The following DNAJC1 variants were observed in gnomAD, a reference collection of about 807,000 sequenced individuals.
The protein encoded by DNAJC1 is DnaJ heat shock protein family (Hsp40) member C1, also known as dnaJ homolog subfamily C member 1.
A neutral mutation model predicts 76.6 loss-of-function variants in DNAJC1; 58 were observed. That is an observed-to-expected ratio of 0.76 (90% CI 0.61 to 0.94). The LOEUF (loss-of-function observed/expected upper bound fraction) is 0.94. Among genes scored for constraint, DNAJC1 ranks in the 40% least tolerant of loss-of-function variants. The pLI, the probability that DNAJC1 is intolerant of heterozygous loss-of-function variation, is 0.00. For synonymous variants in DNAJC1, 258 were observed against 267.9 expected (o/e 0.96, Z 0.36); for missense variants, 689 against 677.3 (o/e 1.02, Z -0.19).
chr10:21,963,538 T>A (rs571623187), intron 1 of DNAJC1, among the ~76,000 whole-genome samples: 2 of 152,306 alleles, frequency 1.3e-5, no homozygotes, highest in Admixed American at 6.5e-5. Context: ...TATGTAAAAA[T>A]CTGCTTTACA....
chr10:21,835,816 T>C (rs1835442576), intron 8 of DNAJC1, among the ~76,000 whole-genome samples: 2 of 152,140 alleles, frequency 1.3e-5, no homozygotes, highest in African/African-American at 2.4e-5. Flanking sequence ...CCAAGAAATA[T>C]GGGACCATGT....
intron 10 of DNAJC1, among the ~76,000 whole-genome samples, chr10:21,763,556 G>A (rs535871680): frequency 7.7e-6 from 1 of 130,272 alleles, no homozygotes; most frequent in South Asian, 2.8e-4. Flanking sequence ...TTTTAAGTGT[G>A]TGCAGGTTGT....
At chr10:21,833,075 C>T (rs956740427) in intron 8 of DNAJC1, among the ~76,000 whole-genome samples, 2 of 152,194 alleles carry the variant, frequency 1.3e-5, no homozygotes, top group African/African-American at 4.8e-5. Flanking sequence ...ATCTGCTAAA[C>T]TGCAATAGTA....
intron 1 of DNAJC1, among the ~76,000 whole-genome samples, chr10:21,980,854 C>T (rs552059334): frequency 1.3e-5 from 2 of 152,122 alleles, no homozygotes; most frequent in East Asian, 3.9e-4. Flanking sequence ...ATTTCCTTAG[C>T]CTTTCCTTTT....
At chr10:21,855,897 G>A (rs1470515217) in intron 8 of DNAJC1, among the ~76,000 whole-genome samples, 3 of 151,584 alleles carry the variant, frequency 2.0e-5, no homozygotes, top group South Asian at 2.1e-4. Context: ...AGGAAGCAAC[G>A]AGATTAAGGG....
At chr10:21,797,557 T>C (rs1834763006) in intron 9 of DNAJC1, among the ~76,000 whole-genome samples, 1 of 152,206 alleles carries the variant, frequency 6.6e-6, no homozygotes, top group South Asian at 2.1e-4. Context: ...AAAGTTCATT[T>C]GTTGGAAACC....
chr10:21,796,127 A>G (rs1420232347), intron 9 of DNAJC1, among the ~76,000 whole-genome samples: 1 of 151,556 alleles, frequency 6.6e-6, no homozygotes, highest in South Asian at 2.1e-4. Context: ...GCACCACCAT[A>G]CCCAGCTAAT....
intron 8 of DNAJC1, among the ~76,000 whole-genome samples, chr10:21,854,188 A>G (rs538388940): frequency 7.9e-5 from 12 of 152,242 alleles, no homozygotes; most frequent in East Asian, 5.8e-4. Flanking sequence ...TAATTATAAT[A>G]TAAGAATTAT....
intron 6 of DNAJC1, among the ~76,000 whole-genome samples, chr10:21,911,912 G>A (rs999764063): frequency 6.6e-6 from 1 of 152,114 alleles, no homozygotes; most frequent in African/African-American, 2.4e-5. Flanking sequence ...CCAACTGTGG[G>A]CTAAACGTAA....
intron 1 of DNAJC1, among the ~76,000 whole-genome samples, chr10:21,957,688 T>C (rs962519124): frequency 6.6e-6 from 1 of 152,340 alleles, no homozygotes; most frequent in East Asian, 1.9e-4. Flanking sequence ...AGTCTCTTTA[T>C]ACTTTGCTTT....
chr10:21,833,169 G>C (rs1237116066), intron 8 of DNAJC1, among the ~76,000 whole-genome samples: 1 of 152,200 alleles, frequency 6.6e-6, no homozygotes, highest in Non-Finnish European at 1.5e-5. Context: ...TATAGTGACA[G>C]TGGTTAAGAG....
intron 8 of DNAJC1, among the ~76,000 whole-genome samples, chr10:21,835,470 G>A (rs921544721): frequency 1.3e-5 from 2 of 152,222 alleles, no homozygotes; most frequent in African/African-American, 2.4e-5. Flanking sequence ...GAACAAAGCT[G>A]GATGGAGAAT....
chr10:21,756,765 G>C lies in DNAJC1; in HGVS notation c.1597-10C>G. On this transcript the variant is annotated splice_polypyrimidine_tract_variant and intron_variant, in intron 11 of 11. Coordinates refer to ENST00000376980, the MANE Select transcript of DNAJC1 (RefSeq NM_022365.4). ...TAGCGATACAGTCTTCCTGTAGGAA[G>C]AAAAAAAGAGAGGTGAGAACAGTCA... is the stretch of plus-strand genomic sequence containing the variant. The C allele has an allele frequency of 6.2e-7, 1 of 1,610,902 alleles. No homozygotes were observed. Among genetic ancestry groups the C allele is most frequent in the Non-Finnish European group, 8.5e-7 (1 of 1,179,402 alleles).
intron 1 of DNAJC1, among the ~76,000 whole-genome samples, chr10:21,984,301 T>C (rs1321919387): frequency 1.3e-5 from 2 of 152,182 alleles, no homozygotes; most frequent in African/African-American, 2.4e-5. Context: ...TTCTCTTACA[T>C]ACAAGAAGAA....
At chr10:21,852,770 TA>T (rs1835777646) in intron 8 of DNAJC1, among the ~76,000 whole-genome samples, 2 of 151,948 alleles carry the variant, frequency 1.3e-5, no homozygotes, top group South Asian at 4.2e-4. Flanking sequence ...TTTTTTTTTT[TA>T]GGTACTATGC....
At chr10:21,963,441 G>C (rs977857034) in intron 1 of DNAJC1, among the ~76,000 whole-genome samples, 2 of 152,208 alleles carry the variant, frequency 1.3e-5, no homozygotes, top group African/African-American at 4.8e-5. Context: ...TTCTTGCCTA[G>C]ATTAAAGGGT....
chr10:21,761,968 C>A (rs557050552), intron 10 of DNAJC1, among the ~76,000 whole-genome samples: 2 of 152,000 alleles, frequency 1.3e-5, no homozygotes, highest in Non-Finnish European at 2.9e-5. Context: ...AGTGAAGGGG[C>A]GCGATTTTGC....
At chr10:21,860,628 A>AG (rs1835905019) in intron 8 of DNAJC1, 1 of 153,358 alleles carries the variant, frequency 6.5e-6, no homozygotes. Flanking sequence ...CAGAAGGCGG[A>AG]GGTTGCAGTG....
At chr10:21,904,316 T>C (rs543710661) in intron 7 of DNAJC1, among the ~76,000 whole-genome samples, 1 of 152,074 alleles carries the variant, frequency 6.6e-6, no homozygotes, top group Non-Finnish European at 1.5e-5. Flanking sequence ...TCCTTCCTTC[T>C]GATATCAAAC....
Sources: gnomAD v4.1 joint callset for allele counts (sites outside exome capture counted in the v4.1 genomes callset) on GRCh38, gnomAD v4.1.1 for gene constraint, MANE v1.5 for transcripts, NCBI Gene and HGNC (gene_info 2026-07-23, HGNC 2026-07-21) for gene names.